Variants in CAGE1 observed in about 807,000 individuals in gnomAD.
The protein encoded by CAGE1 is cancer-associated gene 1 protein.
In CAGE1, 66 loss-of-function variants were observed where a neutral mutation model predicts 94.9. The observed-to-expected ratio is 0.70, with a 90% CI of 0.57 to 0.85. CAGE1 has a LOEUF of 0.85. Among genes scored for constraint, CAGE1 ranks in the 40% least tolerant of loss-of-function variants. The probability of loss-of-function intolerance (pLI) is 0.00; values close to 1 mark genes in which losing one functional copy is unlikely to be tolerated. For synonymous variants in CAGE1, 319 were observed against 321.0 expected (o/e 0.99, Z 0.07); for missense variants, 865 against 950.4 (o/e 0.91, Z 1.18).
intron 11 of CAGE1, among the ~76,000 whole-genome samples, chr6:7,344,285 G>A (rs1349420840): frequency 1.3e-5 from 2 of 152,200 alleles, no homozygotes; most frequent in Non-Finnish European, 2.9e-5. Context: ...CCGGGTAGGC[G>A]TGGGCTTGGC....
chr6:7,332,122 C>T (rs1239194551), intron 12 of CAGE1, among the ~76,000 whole-genome samples: 1 of 152,182 alleles, frequency 6.6e-6, no homozygotes, highest in African/African-American at 2.4e-5. Context: ...CAGTTCAGGT[C>T]TGTAGCTGAT....
At chr6:7,381,903 G>C (rs1294996727) in intron 3 of CAGE1, among the ~76,000 whole-genome samples, 1 of 149,988 alleles carries the variant, frequency 6.7e-6, no homozygotes, top group Admixed American at 6.7e-5. Context: ...GCAGTGGCGC[G>C]ATCTCGGCTC....
At chr6:7,334,562 C>T (rs1758883939) in intron 11 of CAGE1, among the ~76,000 whole-genome samples, 1 of 151,714 alleles carries the variant, frequency 6.6e-6, no homozygotes, top group Non-Finnish European at 1.5e-5. Context: ...AATTCTGTCT[C>T]TACAAAAATA....
intron 11 of CAGE1, among the ~76,000 whole-genome samples, chr6:7,344,579 C>T (rs529991099): frequency 3.5e-4 from 54 of 152,338 alleles, no homozygotes; most frequent in African/African-American, 1.2e-3. Flanking sequence ...TCCCATCCAC[C>T]ACCCAAGGGC....
At chr6:7,376,529 G>C (rs568198503) in intron 4 of CAGE1, among the ~76,000 whole-genome samples, 1 of 151,978 alleles carries the variant, frequency 6.6e-6, no homozygotes, top group Admixed American at 6.6e-5. Flanking sequence ...AGAGACCCTC[G>C]AGTGATGCTG....
intron 3 of CAGE1, among the ~76,000 whole-genome samples, chr6:7,382,297 T>C (rs967162919): frequency 6.6e-6 from 1 of 151,494 alleles, no homozygotes; most frequent in Non-Finnish European, 1.5e-5. Flanking sequence ...CGATTATGGA[T>C]TGCATTTCTC....
At chr6:7,343,927 GAAGA>G (rs1254888656) in intron 11 of CAGE1, among the ~76,000 whole-genome samples, 1 of 152,318 alleles carries the variant, frequency 6.6e-6, no homozygotes, top group African/African-American at 2.4e-5. Flanking sequence ...TCCTACAAAG[GAAGA>G]AATGGGATAG....
chr6:7,369,885 C>G (rs1332538234), intron 6 of CAGE1, 34 bp downstream of exon 6: 7 of 1,561,282 alleles, frequency 4.5e-6, no homozygotes, highest in Non-Finnish European at 6.1e-6. Context: ...TTATTCCTCC[C>G]CTACTAAAAT....
At position 7,339,375 on chromosome 6, in the gene CAGE1, C is replaced by A; in HGVS notation, c.2370-5285G>T. 1 of 1,608,140 alleles carries A rather than the reference C, an allele frequency of 6.2e-7. No individual in the cohort carries two copies. Among genetic ancestry groups the A allele is most frequent in the Non-Finnish European group, 8.5e-7 (1 of 1,175,388 alleles). On this transcript the variant is annotated intron_variant, in intron 11 of 13. Coordinates refer to ENST00000502583, the MANE Select transcript of CAGE1 (RefSeq NM_001170692.2). The surrounding 1 kb of genome is among the most constrained non-coding windows in gnomAD (Gnocchi z 4.7). ...AACTACAGCAGTCAGTTCCCGAATC[C>A]GCCGGCCCTTCTCACCAAGAACATT...
At chr6:7,382,828 T>C (rs6929050) in intron 3 of CAGE1, among the ~76,000 whole-genome samples, 8,262 of 152,062 alleles carry the variant, frequency 0.054, 354 homozygotes, top group African/African-American at 0.12. Flanking sequence ...GAGAATAGTT[T>C]GAACCCGGAA....
intron 1 of CAGE1, among the ~76,000 whole-genome samples, chr6:7,388,360 A>C (rs530019355): frequency 6.1e-4 from 93 of 152,234 alleles, no homozygotes; most frequent in Non-Finnish European, 9.6e-4. Flanking sequence ...CCATCTACCC[A>C]TTCATCTATT....
At chr6:7,345,125 AT>A (rs1759393336) in intron 11 of CAGE1, among the ~76,000 whole-genome samples, 3 of 151,206 alleles carry the variant, frequency 2.0e-5, no homozygotes, top group African/African-American at 4.9e-5. Context: ...TGCTCTTTAG[AT>A]CCATATTGCT....
intron 9 of CAGE1, among the ~76,000 whole-genome samples, chr6:7,361,425 A>C (rs1359297171): frequency 6.6e-6 from 1 of 152,254 alleles, no homozygotes; most frequent in African/African-American, 2.4e-5. Flanking sequence ...TTTATAACCA[A>C]CATAAAAAAT....
At chr6:7,370,765 A>G (rs1055722935) in intron 5 of CAGE1, among the ~76,000 whole-genome samples, 1 of 152,174 alleles carries the variant, frequency 6.6e-6, no homozygotes, top group Non-Finnish European at 1.5e-5. Flanking sequence ...GAGCAATTAC[A>G]TCATCACACA....
rs1035573614 is a variant in CAGE1, at chr6:7,341,461, C to T, written c.2370-7371G>A. ...CATCTATGATCACATGTAGGTTATA[C>T]CTCTTGGCAAATTCCAGGTATTCCA... On this transcript the variant is annotated intron_variant, in intron 11 of 13. Transcript: ENST00000502583. 3 of 1,114,548 alleles carry T rather than the reference C, an allele frequency of 2.7e-6. No homozygotes were observed. The South Asian group carries it at 3.7e-5, about 14-fold the overall frequency. 69.0% of individuals were successfully genotyped at this position (1,114,548 alleles called of 1,614,324 possible). A position where few individuals can be genotyped will look rare whatever the true frequency, so the allele number is the denominator to read the frequency against.
At position 7,344,943 on chromosome 6, in the gene CAGE1, G is replaced by A. The variant is rs1045232182; in HGVS notation, c.2369+10098C>T. Among the ~76,000 whole-genome samples the A allele has an allele frequency of 4.6e-5, 7 of 152,094 alleles. No homozygotes were observed. The East Asian group carries it at 5.8e-4, about 13-fold the overall frequency. ...TGCGCCTAGCTCAGGGATTGTAAACGCACCAATCAGCGCCCTGTCAAAACA... is the reference window on the plus strand; with the variant it reads ...TGCGCCTAGCTCAGGGATTGTAAACACACCAATCAGCGCCCTGTCAAAACA... On this transcript the variant is annotated intron_variant, in intron 11 of 13. Coordinates refer to ENST00000502583, the MANE Select transcript of CAGE1 (RefSeq NM_001170692.2).
chr6:7,357,154 CAG>C (rs71657631), intron 9 of CAGE1, among the ~76,000 whole-genome samples: 8,025 of 152,168 alleles, frequency 0.053, 345 homozygotes, highest in African/African-American at 0.12. Flanking sequence ...GAATCAATAA[CAG>C]AGCAAATTTG....
intron 11 of CAGE1, chr6:7,347,240 G>A (rs1759581843): frequency 6.6e-6 from 1 of 152,172 alleles, no homozygotes; most frequent in Non-Finnish European, 1.5e-5. Flanking sequence ...TGCTCCTGCA[G>A]GAGCTGGGAG....
chr6:7,385,461 C>T (rs1011536442), intron 3 of CAGE1, among the ~76,000 whole-genome samples: 1 of 152,174 alleles, frequency 6.6e-6, no homozygotes, highest in Non-Finnish European at 1.5e-5. Context: ...ATCCACCACA[C>T]CCAACCTCAA....
Sources: gnomAD v4.1 joint callset for allele counts (sites outside exome capture counted in the v4.1 genomes callset) on GRCh38, gnomAD v4.1.1 for gene constraint, Gnocchi (gnomAD v3.1) non-coding constraint, MANE v1.5 for transcripts, NCBI Gene and HGNC (gene_info 2026-07-23, HGNC 2026-07-21) for gene names.